The following PRRG1 variants were observed in gnomAD, a reference collection of about 807,000 sequenced individuals.
The protein encoded by PRRG1 is transmembrane gamma-carboxyglutamic acid protein 1.
Under a neutral mutation model 11.8 loss-of-function variants are expected in PRRG1, and 5 were observed. That is an observed-to-expected ratio of 0.42 (90% CI 0.22 to 0.89). The LOEUF (loss-of-function observed/expected upper bound fraction) is 0.89, where lower values mean the gene tolerates loss of function less well. Among genes scored for constraint, PRRG1 ranks in the 40% least tolerant of loss-of-function variants. PRRG1 has a pLI of 0.28. For synonymous variants in PRRG1, 66 were observed against 60.4 expected (o/e 1.09, Z -0.43); for missense variants, 155 against 166.1 (o/e 0.93, Z 0.37).
chrX:37,407,174 GC>G (rs1932210731), intron 2 of PRRG1, among the ~76,000 whole-genome samples: 1 of 111,537 alleles, frequency 9.0e-6, no homozygotes, highest in Non-Finnish European at 1.9e-5. Flanking sequence ...TCTGTTTGGG[GC>G]ACCATCTGGT....
intron 1 of PRRG1, among the ~76,000 whole-genome samples, chrX:37,388,754 T>C (rs2146551260): frequency 8.9e-6 from 1 of 112,952 alleles, no homozygotes; most frequent in Admixed American, 9.3e-5. Flanking sequence ...TTCCCCATCA[T>C]CTTGGCTAAT....
chrX:37,415,356 C>T (rs1381299448), intron 2 of PRRG1, among the ~76,000 whole-genome samples: 1 of 111,000 alleles, frequency 9.0e-6, no homozygotes, highest in Non-Finnish European at 1.9e-5. Context: ...TGCAGTGAGC[C>T]GAGATCATAC....
chrX:37,432,800 A>G (rs1369012805), intron 3 of PRRG1, among the ~76,000 whole-genome samples: 1 of 111,740 alleles, frequency 8.9e-6, no homozygotes, highest in Non-Finnish European at 1.9e-5. Context: ...ACAGACTTGT[A>G]TGGCTAACTG....
At chrX:37,376,083 G>T (rs1194566718) in intron 1 of PRRG1, among the ~76,000 whole-genome samples, 1 of 111,152 alleles carries the variant, frequency 9.0e-6, no homozygotes, top group Non-Finnish European at 1.9e-5. Context: ...CATTTTTCTT[G>T]TGAGGATAAG....
chrX:37,442,263 C>A lies in PRRG1; in HGVS notation c.172-10873C>A, dbSNP rs1485279421. The A allele has an allele frequency of 5.4e-6, 4 of 738,494 alleles. No homozygotes were observed. In the African/African-American group the frequency reaches 9.3e-5, roughly 17 times the overall value. The allele number at this position is 738,494 out of a possible 1,213,427, so 60.9% of individuals were successfully genotyped here. A position where few individuals can be genotyped will look rare whatever the true frequency, so the allele number is the denominator to read the frequency against. On this transcript the variant is annotated intron_variant, in intron 3 of 3. Transcript: ENST00000378628. Reference sequence around the variant, plus strand: ...TTGATGCGTGCCTACAACACTCTCACCTTTTAGGAATCAGGGCACATCCCC... The same window carrying A: ...TTGATGCGTGCCTACAACACTCTCAACTTTTAGGAATCAGGGCACATCCCC...
intron 2 of PRRG1, among the ~76,000 whole-genome samples, chrX:37,410,597 A>AAAATACAT (rs1932324373): frequency 8.9e-6 from 1 of 112,452 alleles, no homozygotes. Flanking sequence ...GGTAACAGCT[A>AAAATACAT]AAATACATGT....
chrX:37,412,070 T>C (rs1175615155), intron 2 of PRRG1, among the ~76,000 whole-genome samples: 1 of 112,306 alleles, frequency 8.9e-6, no homozygotes, highest in Non-Finnish European at 1.9e-5. Context: ...TTTCATTTTC[T>C]GTACTTAATA....
intron 1 of PRRG1, chrX:37,403,917 T>C: frequency 3.7e-6 from 1 of 271,458 alleles, no homozygotes; most frequent in Non-Finnish European, 5.0e-6. Context: ...CTCGGTGAGG[T>C]GGCTGACATG....
At chrX:37,402,506 G>C (rs868912203) in intron 1 of PRRG1, among the ~76,000 whole-genome samples, 1 of 111,424 alleles carries the variant, frequency 9.0e-6, no homozygotes, top group Non-Finnish European at 1.9e-5. Context: ...AGACTTAAAC[G>C]TTAGACCTAA....
intron 3 of PRRG1, among the ~76,000 whole-genome samples, chrX:37,438,468 C>T (rs1204758643): frequency 1.2e-5 from 1 of 86,615 alleles, no homozygotes; most frequent in African/African-American, 4.6e-5. Context: ...CACGGTTTCG[C>T]TCTTATTGCC....
chrX:37,404,710 G>A (rs781786506), intron 1 of PRRG1, among the ~76,000 whole-genome samples: 12 of 111,090 alleles, frequency 1.1e-4, no homozygotes, highest in Admixed American at 5.8e-4. Context: ...TTGGTGGTCC[G>A]CATAAAATTT....
At position 37,449,141 on chromosome X, in the gene PRRG1, A is replaced by G. The variant is rs180717737; in HGVS notation, c.172-3995A>G. 6.4e-3 allele frequency among the ~76,000 whole-genome samples: 710 copies of G among 111,060 alleles called. 1 individual carries two copies. The highest frequency in any genetic ancestry group is 0.022 in the African/African-American group (680 of 30,574). The stretch of plus-strand genomic sequence containing the variant: ...CAACTTGGGGGTATTTCTGCCTTCT[A>G]CTCTCAACAAGGCAGCTTTTGGAGT... On this transcript the variant is annotated intron_variant, in intron 3 of 3. Transcript: ENST00000378628.
intron 1 of PRRG1, chrX:37,403,694 C>G: frequency 3.0e-6 from 2 of 673,449 alleles, no homozygotes; most frequent in Non-Finnish European, 3.5e-6. Context: ...TTAACACACA[C>G]ACACAGACAA....
chrX:37,427,406 C>A (rs1198318269), intron 3 of PRRG1, among the ~76,000 whole-genome samples: 1 of 111,986 alleles, frequency 8.9e-6, no homozygotes, highest in African/African-American at 3.2e-5. Flanking sequence ...ATATCCATCA[C>A]CTCCTAAAGT....
At chrX:37,362,744 A>G (rs1930451695) in intron 1 of PRRG1, among the ~76,000 whole-genome samples, 1 of 111,379 alleles carries the variant, frequency 9.0e-6, no homozygotes, top group Admixed American at 9.6e-5. Context: ...AGGATGCTGA[A>G]TATCCCTAGA....
intron 2 of PRRG1, among the ~76,000 whole-genome samples, chrX:37,408,105 G>A (rs1932236126): frequency 9.0e-6 from 1 of 111,720 alleles, no homozygotes; most frequent in South Asian, 3.8e-4. Flanking sequence ...TCTGTGCCAC[G>A]TCCTGCCCGC....
chrX:37,423,196 TTTAA>T (rs1382935874), intron 2 of PRRG1, among the ~76,000 whole-genome samples: 156 of 111,115 alleles, frequency 1.4e-3, no homozygotes, highest in African/African-American at 4.0e-3. Context: ...AAGTTTAATT[TTTAA>T]TTAATTAATT....
chrX:37,446,073 A>G (rs1195015316), intron 3 of PRRG1, among the ~76,000 whole-genome samples: 4 of 112,619 alleles, frequency 3.6e-5, no homozygotes, highest in African/African-American at 1.3e-4. Context: ...TACCTCCAAT[A>G]TGGTCATTGC....
chrX:37,428,429 C>G, intron 3 of PRRG1, among the ~76,000 whole-genome samples: 1 of 111,364 alleles, frequency 9.0e-6, no homozygotes, highest in East Asian at 2.8e-4. Context: ...AGAAATTGGC[C>G]AAAACAAAGG....
Sources: gnomAD v4.1 joint callset for allele counts (sites outside exome capture counted in the v4.1 genomes callset) on GRCh38, gnomAD v4.1.1 for gene constraint, MANE v1.5 for transcripts, NCBI Gene and HGNC (gene_info 2026-07-23, HGNC 2026-07-21) for gene names.